Variants in HEMK2 observed in about 807,000 individuals in gnomAD.
HEMK2 encodes HemK methyltransferase 2, ETF1 glutamine and histone H4 lysine.
At chr21:28,829,966 G>C in the HEMK2 span, among the ~76,000 whole-genome samples, 1 of 152,104 alleles carries the variant, frequency 6.6e-6, no homozygotes, top group African/African-American at 2.4e-5. Flanking sequence ...ATCCTAAGAG[G>C]GAGAAGATCT....
the HEMK2 span, among the ~76,000 whole-genome samples, chr21:28,847,651 T>C: frequency 0.16 from 24,080 of 152,204 alleles, 2,350 homozygotes; most frequent in East Asian, 0.49. Context: ...ATTTTTGTTT[T>C]TGTTGCAATT....
the HEMK2 span, among the ~76,000 whole-genome samples, chr21:28,642,357 T>C: frequency 2.6e-5 from 4 of 152,186 alleles, no homozygotes; most frequent in African/African-American, 9.6e-5. Context: ...CCACTCCTCA[T>C]GGGAGGGAGC....
the HEMK2 span, among the ~76,000 whole-genome samples, chr21:28,738,644 T>A: frequency 0.23 from 34,795 of 152,078 alleles, 4,627 homozygotes; most frequent in African/African-American, 0.35. Context: ...CTGGGCCTTC[T>A]CCCTGGGGGC....
the HEMK2 span, among the ~76,000 whole-genome samples, chr21:28,806,917 G>A: frequency 6.6e-6 from 1 of 152,110 alleles, no homozygotes; most frequent in Admixed American, 6.6e-5. Context: ...AATTTCTGCT[G>A]TTCTTAAGCA....
the HEMK2 span, among the ~76,000 whole-genome samples, chr21:28,596,034 T>C: frequency 6.6e-6 from 1 of 151,368 alleles, no homozygotes; most frequent in African/African-American, 2.4e-5. Context: ...TCTGCCCGCC[T>C]TGGCCTCCCA....
chr21:28,596,451 A>T, the HEMK2 span, among the ~76,000 whole-genome samples: 1 of 152,202 alleles, frequency 6.6e-6, no homozygotes, highest in African/African-American at 2.4e-5. Context: ...TTTTGTTCTA[A>T]ATTATAAGTG....
chr21:28,677,333 G>A, the HEMK2 span, among the ~76,000 whole-genome samples: 5 of 152,200 alleles, frequency 3.3e-5, no homozygotes, highest in Non-Finnish European at 5.9e-5. Flanking sequence ...ACTGCAAGGT[G>A]GCAGCGAGGC....
the HEMK2 span, among the ~76,000 whole-genome samples, chr21:28,590,857 G>T: frequency 2.0e-5 from 3 of 152,216 alleles, no homozygotes; most frequent in Non-Finnish European, 4.4e-5. Context: ...GCTGGGATGT[G>T]CTAATGCAGC....
chr21:28,723,764 A>AC, the HEMK2 span, among the ~76,000 whole-genome samples: 3 of 152,222 alleles, frequency 2.0e-5, no homozygotes, highest in Non-Finnish European at 4.4e-5. Context: ...TTAGCCTGGC[A>AC]CGTACTACGA....
At chr21:28,709,197 G>A in the HEMK2 span, among the ~76,000 whole-genome samples, 1 of 152,200 alleles carries the variant, frequency 6.6e-6, no homozygotes, top group Non-Finnish European at 1.5e-5. Context: ...TGGGGATTAG[G>A]ATTTCAACTC....
the HEMK2 span, among the ~76,000 whole-genome samples, chr21:28,855,016 C>T: frequency 5.3e-5 from 8 of 152,172 alleles, no homozygotes; most frequent in African/African-American, 1.9e-4. Flanking sequence ...CACATACCAA[C>T]ACCAACCTTG....
At chr21:28,881,357 T>C in the HEMK2 span, among the ~76,000 whole-genome samples, 2 of 152,198 alleles carry the variant, frequency 1.3e-5, no homozygotes, top group Admixed American at 6.5e-5. Context: ...CAAATCTCCT[T>C]TGGCCACAGC....
the HEMK2 span, among the ~76,000 whole-genome samples, chr21:28,679,557 A>G: frequency 5.3e-4 from 80 of 152,330 alleles, no homozygotes; most frequent in African/African-American, 1.9e-3. Flanking sequence ...GACCTAATAG[A>G]CATCTACAGA....
At chr21:28,674,152 T>C in the HEMK2 span, among the ~76,000 whole-genome samples, 2 of 152,150 alleles carry the variant, frequency 1.3e-5, no homozygotes, top group Non-Finnish European at 2.9e-5. Flanking sequence ...TCCTCATTGC[T>C]ACACTCCCAT....
the HEMK2 span, chr21:28,872,834 C>G: frequency 6.6e-6 from 1 of 152,140 alleles, no homozygotes; most frequent in Admixed American, 6.5e-5. Context: ...ATTTTATTTA[C>G]GCCCTCAACA....
the HEMK2 span, among the ~76,000 whole-genome samples, chr21:28,783,570 T>C: frequency 6.6e-6 from 1 of 152,340 alleles, no homozygotes; most frequent in South Asian, 2.1e-4. Flanking sequence ...ATTATATACT[T>C]GTGGCATCGT....
chr21:28,640,933 C>T, the HEMK2 span, among the ~76,000 whole-genome samples: 1 of 152,200 alleles, frequency 6.6e-6, no homozygotes, highest in Non-Finnish European at 1.5e-5. Context: ...GGTGAAGACA[C>T]CCTTTGACAC....
the HEMK2 span, among the ~76,000 whole-genome samples, chr21:28,738,970 T>C: frequency 1.3e-5 from 2 of 152,174 alleles, no homozygotes; most frequent in Admixed American, 6.6e-5. Context: ...TATGACCACA[T>C]TGAAATTGTG....
the HEMK2 span, among the ~76,000 whole-genome samples, chr21:28,804,475 C>T: frequency 6.6e-6 from 1 of 152,308 alleles, no homozygotes; most frequent in Non-Finnish European, 1.5e-5. Flanking sequence ...TGGCTCACGC[C>T]TGTAATCTCA....
Sources: gnomAD v4.1 joint callset for allele counts (sites outside exome capture counted in the v4.1 genomes callset) on GRCh38, gnomAD v4.1.1 for gene constraint, MANE v1.5 for transcripts, NCBI Gene and HGNC (gene_info 2026-07-23, HGNC 2026-07-21) for gene names.